The following SLC25A26 variants were observed in gnomAD, a reference collection of about 807,000 sequenced individuals.
SLC25A26 encodes mitochondrial S-adenosylmethionine carrier protein.
A neutral mutation model predicts 37.8 loss-of-function variants in SLC25A26; 36 were observed. The observed-to-expected ratio is 0.95, with a 90% CI of 0.73 to 1.26. The LOEUF (loss-of-function observed/expected upper bound fraction) is 1.26. Ranked by LOEUF, SLC25A26 falls within the 50% of genes most tolerant of loss-of-function variation. SLC25A26 has a pLI of 0.00. For synonymous variants in SLC25A26, 129 were observed against 122.5 expected (o/e 1.05, Z -0.35); for missense variants, 390 against 331.1 (o/e 1.18, Z -1.38).
At chr3:66,180,553 G>A (rs1490412702) in intron 1 of SLC25A26, among the ~76,000 whole-genome samples, 1 of 152,208 alleles carries the variant, frequency 6.6e-6, no homozygotes, top group African/African-American at 2.4e-5. Context: ...ACAGAAACAT[G>A]TTCAATGTTT....
At chr3:66,224,705 C>A (rs1553659829) in intron 1 of SLC25A26, among the ~76,000 whole-genome samples, 1 of 152,192 alleles carries the variant, frequency 6.6e-6, no homozygotes, top group African/African-American at 2.4e-5. Flanking sequence ...TTCAAAAGTC[C>A]ACAGTCCAAA....
intron 1 of SLC25A26, among the ~76,000 whole-genome samples, chr3:66,205,541 C>A (rs911565499): frequency 1.3e-5 from 2 of 152,182 alleles, no homozygotes; most frequent in African/African-American, 2.4e-5. Context: ...GCAATATCAA[C>A]TATGCCAGTG....
chr3:66,184,203 T>A (rs2070770724), intron 1 of SLC25A26, among the ~76,000 whole-genome samples: 1 of 152,008 alleles, frequency 6.6e-6, no homozygotes, highest in African/African-American at 2.4e-5. Context: ...CACTCTGAAT[T>A]TGTCCCTAAC....
intron 5 of SLC25A26, among the ~76,000 whole-genome samples, chr3:66,275,123 T>C (rs1057020352): frequency 2.6e-5 from 4 of 151,502 alleles, no homozygotes; most frequent in African/African-American, 9.7e-5. Flanking sequence ...AAATTGGAAA[T>C]CATCATTCTC....
At chr3:66,269,173 C>T (rs924417499) in intron 5 of SLC25A26, among the ~76,000 whole-genome samples, 7 of 152,206 alleles carry the variant, frequency 4.6e-5, no homozygotes, top group African/African-American at 9.7e-5. Flanking sequence ...ACCTTTACAG[C>T]AGTTCTAAAA....
intron 1 of SLC25A26, among the ~76,000 whole-genome samples, chr3:66,146,280 C>T (rs1169095386): frequency 6.6e-6 from 1 of 150,702 alleles, no homozygotes; most frequent in Non-Finnish European, 1.5e-5. Context: ...ACAGAGGTTG[C>T]AGTGAGCCAA....
chr3:66,134,759 A>T (rs904739094), intron 1 of SLC25A26, among the ~76,000 whole-genome samples: 4 of 152,100 alleles, frequency 2.6e-5, no homozygotes, highest in Non-Finnish European at 5.9e-5. Context: ...CAGGACACTG[A>T]GTTGGAGATT....
intron 1 of SLC25A26, among the ~76,000 whole-genome samples, chr3:66,188,631 C>CGGAA (rs2070875766): frequency 6.6e-6 from 1 of 152,084 alleles, no homozygotes; most frequent in African/African-American, 2.4e-5. Flanking sequence ...GATGCTAGTG[C>CGGAA]CATGTTTTTT....
intron 1 of SLC25A26, among the ~76,000 whole-genome samples, chr3:66,162,288 AAT>A (rs2070369770): frequency 6.6e-6 from 1 of 151,636 alleles, no homozygotes; most frequent in African/African-American, 2.4e-5. Context: ...CCCGTCTCCA[AAT>A]AGAGTCACAT....
At chr3:66,302,278 A>G (rs775270059) in intron 5 of SLC25A26, among the ~76,000 whole-genome samples, 8 of 152,208 alleles carry the variant, frequency 5.3e-5, no homozygotes, top group Non-Finnish European at 1.0e-4. Flanking sequence ...GGTTTTTGCA[A>G]ACTACAAGCT....
chr3:66,348,995 C>A (rs543839645), intron 6 of SLC25A26, among the ~76,000 whole-genome samples: 2 of 152,294 alleles, frequency 1.3e-5, no homozygotes, highest in South Asian at 4.1e-4. Context: ...TCTCAATAAC[C>A]AGCATTCACA....
chr3:66,254,639 T>C (rs2073230243), intron 3 of SLC25A26, among the ~76,000 whole-genome samples: 1 of 152,266 alleles, frequency 6.6e-6, no homozygotes, highest in Non-Finnish European at 1.5e-5. Context: ...ATGACATCTT[T>C]ATTGAAAAAT....
At chr3:66,309,114 C>T (rs1322282564) in intron 5 of SLC25A26, among the ~76,000 whole-genome samples, 1 of 152,086 alleles carries the variant, frequency 6.6e-6, no homozygotes, top group Non-Finnish European at 1.5e-5. Flanking sequence ...GGAATGGTAC[C>T]TCTGGTAGAA....
chr3:66,363,329 G>A (rs1404413021), intron 7 of SLC25A26, among the ~76,000 whole-genome samples: 3 of 152,162 alleles, frequency 2.0e-5, no homozygotes, highest in East Asian at 3.9e-4. Flanking sequence ...CATGATTCAC[G>A]GTTTGTGTGA....
intron 5 of SLC25A26, among the ~76,000 whole-genome samples, chr3:66,283,707 A>C (rs1198060333): frequency 3.9e-5 from 6 of 152,194 alleles, no homozygotes; most frequent in Non-Finnish European, 7.3e-5. Context: ...TAATGGTTTT[A>C]TTTATTATTG....
intron 3 of SLC25A26, among the ~76,000 whole-genome samples, chr3:66,254,333 T>C (rs1256508288): frequency 6.6e-6 from 1 of 152,216 alleles, no homozygotes; most frequent in African/African-American, 2.4e-5. Context: ...CTAAAGAGAA[T>C]TTTGGGAATT....
At chr3:66,245,776 A>C (rs1043147546) in intron 3 of SLC25A26, among the ~76,000 whole-genome samples, 1 of 152,220 alleles carries the variant, frequency 6.6e-6, no homozygotes, top group African/African-American at 2.4e-5. Context: ...AAAAGTTAAC[A>C]TGAAGAAGAT....
chr3:66,230,827 A>AAAAAG (rs2071988717), intron 1 of SLC25A26, among the ~76,000 whole-genome samples: 1 of 150,792 alleles, frequency 6.6e-6, no homozygotes, highest in Non-Finnish European at 1.5e-5. Flanking sequence ...AAACAAAAAA[A>AAAAAG]AACCAGAATT....
At chr3:66,231,243 C>T (rs960411757) in intron 1 of SLC25A26, among the ~76,000 whole-genome samples, 4 of 152,054 alleles carry the variant, frequency 2.6e-5, no homozygotes, top group Non-Finnish European at 4.4e-5. Flanking sequence ...ACTCCAAGGT[C>T]TATAGAGGGT....
Sources: allele counts gnomAD v4.1 joint callset (sites outside exome capture counted in the v4.1 genomes callset), GRCh38; gene constraint gnomAD v4.1.1; transcripts MANE v1.5; gene names NCBI Gene and HGNC (gene_info 2026-07-23, HGNC 2026-07-21).